IL1RAPL1: variants seen among roughly 807,000 people sequenced by gnomAD.
The protein encoded by IL1RAPL1 is interleukin 1 receptor accessory protein like 1.
In IL1RAPL1, 3 loss-of-function variants were observed where a neutral mutation model predicts 48.4. That is an observed-to-expected ratio of 0.06 (90% CI 0.03 to 0.16). The LOEUF (loss-of-function observed/expected upper bound fraction) is 0.16. Among genes scored for constraint, IL1RAPL1 ranks in the 10% least tolerant of loss-of-function variants. IL1RAPL1 has a pLI of 1.00. For missense variants in IL1RAPL1, 349 were observed against 530.6 expected (o/e 0.66, Z 3.36); for synonymous variants, 185 against 187.7 (o/e 0.99, Z 0.12).
intron 5 of IL1RAPL1, among the ~76,000 whole-genome samples, chrX:29,591,869 T>G (rs1923385761): frequency 8.9e-6 from 1 of 112,157 alleles, no homozygotes. Flanking sequence ...TAAGTGAAGG[T>G]CCAGGATCAC....
intron 1 of IL1RAPL1, among the ~76,000 whole-genome samples, chrX:28,600,403 G>A (rs1934008652): frequency 9.3e-6 from 1 of 107,974 alleles, no homozygotes; most frequent in Admixed American, 1.0e-4. Context: ...GAGAGAGAGA[G>A]GAAAAAGTGG....
intron 3 of IL1RAPL1, among the ~76,000 whole-genome samples, chrX:29,347,653 G>T (rs753150192): frequency 9.0e-6 from 1 of 111,086 alleles, no homozygotes; most frequent in South Asian, 3.8e-4. Context: ...GCTTCCCAAA[G>T]TGTTGGGATT....
intron 1 of IL1RAPL1, among the ~76,000 whole-genome samples, chrX:28,642,134 C>T (rs960024536): frequency 9.0e-6 from 1 of 111,104 alleles, no homozygotes; most frequent in African/African-American, 3.3e-5. Context: ...TATATGCACC[C>T]GATACAGGAG....
In IL1RAPL1 at chrX:28,949,863, C is replaced by T. The variant is rs1255986827; in HGVS notation, c.82+160438C>T. On this transcript the variant is annotated intron_variant, in intron 2 of 10. Transcript: ENST00000378993. ...AGCCCTTTGTCAGATGAGTAGGTTG[C>T]GAAAATTTTCTCCCATTTTGTAGGT... Among the ~76,000 whole-genome samples the T allele has an allele frequency of 2.9e-4, 32 of 109,585 alleles. No homozygotes were observed. The Middle Eastern group carries it at 0.014, about 48-fold the overall frequency.
intron 8 of IL1RAPL1, among the ~76,000 whole-genome samples, chrX:29,940,300 G>A (rs1855819620): frequency 9.0e-6 from 1 of 111,243 alleles, no homozygotes; most frequent in Non-Finnish European, 1.9e-5. Context: ...GTCCCATCAT[G>A]ATTTCACCCC....
chrX:28,751,444 A>T (rs1936042503), intron 1 of IL1RAPL1, among the ~76,000 whole-genome samples: 1 of 111,856 alleles, frequency 8.9e-6, no homozygotes, highest in Admixed American at 9.5e-5. Context: ...AAAAATTTCC[A>T]AATATTATGG....
At chrX:28,846,637 T>C (rs1339542707) in intron 2 of IL1RAPL1, among the ~76,000 whole-genome samples, 1 of 112,201 alleles carries the variant, frequency 8.9e-6, no homozygotes, top group African/African-American at 3.2e-5. Flanking sequence ...TGTAGTGATA[T>C]CTCATTGTTG....
chrX:28,923,038 A>C (rs1264075786), intron 2 of IL1RAPL1, among the ~76,000 whole-genome samples: 1 of 112,153 alleles, frequency 8.9e-6, no homozygotes, highest in Admixed American at 9.5e-5. Context: ...AGTAAAAGTA[A>C]CAGATTAAAA....
chrX:29,409,594 G>A (rs1258791356), intron 5 of IL1RAPL1, among the ~76,000 whole-genome samples: 1 of 111,042 alleles, frequency 9.0e-6, no homozygotes, highest in East Asian at 2.8e-4. Context: ...TTGTTAAGGT[G>A]TAGTAAGTTT....
chrX:28,635,639 G>A (rs1054662296), intron 1 of IL1RAPL1, among the ~76,000 whole-genome samples: 4 of 111,928 alleles, frequency 3.6e-5, no homozygotes, highest in African/African-American at 1.3e-4. Context: ...TAGGTTAGGT[G>A]TATTAAATAT....
At chrX:29,859,490 C>T (rs1226226041) in intron 6 of IL1RAPL1, among the ~76,000 whole-genome samples, 1 of 111,764 alleles carries the variant, frequency 8.9e-6, no homozygotes, top group Non-Finnish European at 1.9e-5. Flanking sequence ...CAGATAACAC[C>T]TCTGAATGTG....
chrX:29,471,307 G>A (rs1356131597), intron 5 of IL1RAPL1, among the ~76,000 whole-genome samples: 2 of 111,616 alleles, frequency 1.8e-5, no homozygotes, highest in Admixed American at 9.5e-5. Flanking sequence ...CATTTTACAT[G>A]TGAAAAGAAG....
At chrX:28,710,657 A>G (rs767744144) in intron 1 of IL1RAPL1, among the ~76,000 whole-genome samples, 31 of 111,595 alleles carry the variant, frequency 2.8e-4, no homozygotes, top group African/African-American at 9.4e-4. Flanking sequence ...TATAATTTTA[A>G]TTTTTTAGTA....
intron 2 of IL1RAPL1, among the ~76,000 whole-genome samples, chrX:29,036,339 C>T (rs972867453): frequency 6.3e-5 from 7 of 111,982 alleles, no homozygotes; most frequent in Admixed American, 3.8e-4. Flanking sequence ...GGCAAAAACG[C>T]GGATTTTCTG....
intron 3 of IL1RAPL1, among the ~76,000 whole-genome samples, chrX:29,356,162 T>G (rs2147656148): frequency 9.0e-6 from 1 of 111,181 alleles, no homozygotes; most frequent in East Asian, 2.8e-4. Context: ...ATTCATATTT[T>G]TTGTAATCTT....
intron 2 of IL1RAPL1, among the ~76,000 whole-genome samples, chrX:29,074,357 G>A (rs1156997495): frequency 1.8e-5 from 2 of 111,446 alleles, no homozygotes; most frequent in Admixed American, 9.6e-5. Flanking sequence ...AACATTGGGA[G>A]CATAGAGATG....
chrX:29,713,639 G>A (rs1173244054), intron 6 of IL1RAPL1, among the ~76,000 whole-genome samples: 1 of 111,396 alleles, frequency 9.0e-6, no homozygotes, highest in Non-Finnish European at 1.9e-5. Flanking sequence ...TCAGGTGACT[G>A]TGATTCATAC....
intron 3 of IL1RAPL1, among the ~76,000 whole-genome samples, chrX:29,341,518 T>A (rs970442391): frequency 8.9e-6 from 1 of 111,872 alleles, no homozygotes; most frequent in Non-Finnish European, 1.9e-5. Flanking sequence ...TAATGATGAC[T>A]AAACTTGAAA....
intron 6 of IL1RAPL1, among the ~76,000 whole-genome samples, chrX:29,833,936 C>T (rs998025442): frequency 8.9e-6 from 1 of 111,991 alleles, no homozygotes; most frequent in Non-Finnish European, 1.9e-5. Context: ...TTTCAGCTAC[C>T]TCACAACACA....
Sources: gnomAD v4.1 joint callset for allele counts (sites outside exome capture counted in the v4.1 genomes callset) on GRCh38, gnomAD v4.1.1 for gene constraint, MANE v1.5 for transcripts, NCBI Gene and HGNC (gene_info 2026-07-23, HGNC 2026-07-21) for gene names.